TIPRL: variants seen among roughly 807,000 people sequenced by gnomAD.
The protein encoded by TIPRL is TOR signaling pathway regulator, also known as TIP41-like protein.
A neutral mutation model predicts 32.3 loss-of-function variants in TIPRL; 10 were observed. The ratio of observed to expected loss-of-function variants is 0.31; its 90% CI spans 0.19 to 0.52. The LOEUF (loss-of-function observed/expected upper bound fraction) is 0.52, where lower values mean the gene tolerates loss of function less well. Ranked by LOEUF, TIPRL falls within the 20% of genes least tolerant of loss-of-function variation. The pLI, the probability that TIPRL is intolerant of heterozygous loss-of-function variation, is 0.96. For synonymous variants in TIPRL, 100 were observed against 114.0 expected, an observed-to-expected ratio of 0.88 and a Z score of 0.78; for missense variants, 250 against 328.1, an observed-to-expected ratio of 0.76 and a Z score of 1.84.
At chr1:168,185,630 TGTG>T (rs1186157547) in intron 3 of TIPRL, among the ~76,000 whole-genome samples, 1 of 145,706 alleles carries the variant, frequency 6.9e-6, no homozygotes, top group Non-Finnish European at 1.5e-5. Flanking sequence ...ATTAGCTGGG[TGTG>T]GTGGCGCACA....
intron 3 of TIPRL, among the ~76,000 whole-genome samples, chr1:168,190,095 C>T (rs12082252): frequency 0.037 from 5,582 of 152,168 alleles, 343 homozygotes; most frequent in African/African-American, 0.13. Context: ...AGTTGTGTAA[C>T]CTTAGGCAGT....
chr1:168,192,885 A>AAAACAAACAAAC (rs34841229), intron 4 of TIPRL, among the ~76,000 whole-genome samples: 3 of 151,414 alleles, frequency 2.0e-5, no homozygotes, highest in African/African-American at 4.9e-5. Flanking sequence ...ACTCCGTCTC[A>AAAACAAACAAAC]AAACAAACAA....
At chr1:168,199,858 C>T (rs748578052) in intron 6 of TIPRL, 45 bp from the exon 7 acceptor site, 2 of 1,549,570 alleles carry the variant, frequency 1.3e-6, no homozygotes. Context: ...TAAAAAATTT[C>T]AGTACAGTAA....
rs1700200269 is a variant in TIPRL, at chr1:168,200,708, T to G, written c.*662T>G. 6.6e-6 allele frequency: 1 copy of G among 152,156 alleles called. No individual in the cohort carries two copies. The allele number at this position is 152,156 out of a possible 1,614,324, so 9.4% of individuals were successfully genotyped here. ...AACATGAATATGGTTTACCACTGTG[T>G]GTGTGTAGGATGTTAGAATTATCTG... On this transcript the variant is annotated 3_prime_UTR_variant, in exon 7 of 7. Coordinates refer to ENST00000367833, the MANE Select transcript of TIPRL (RefSeq NM_152902.5).
At chr1:168,188,440 A>G (rs1287673545) in intron 3 of TIPRL, among the ~76,000 whole-genome samples, 1 of 152,238 alleles carries the variant, frequency 6.6e-6, no homozygotes, top group Non-Finnish European at 1.5e-5. Flanking sequence ...TAAATCACTC[A>G]TAGACAATAT....
At chr1:168,186,011 G>A (rs1428525975) in intron 3 of TIPRL, among the ~76,000 whole-genome samples, 1 of 140,048 alleles carries the variant, frequency 7.1e-6, no homozygotes, top group African/African-American at 2.7e-5. Flanking sequence ...GGAGGCAGAG[G>A]TTGCAGTGAG....
chr1:168,191,753 TC>T (rs761693638), intron 4 of TIPRL, among the ~76,000 whole-genome samples: 4 of 147,798 alleles, frequency 2.7e-5, no homozygotes, highest in African/African-American at 5.1e-5. Context: ...GCGCCTGTAG[TC>T]CCAGCTACTC....
chr1:168,189,881 T>C (rs1364643564), intron 3 of TIPRL, among the ~76,000 whole-genome samples: 1 of 152,212 alleles, frequency 6.6e-6, no homozygotes, highest in Non-Finnish European at 1.5e-5. Context: ...ATGGAAAAAC[T>C]GACAGATTCA....
rs183233356 is a variant in TIPRL at position 168,202,105 on chromosome 1, A to G, written c.*2059A>G. 22 of 152,326 alleles carry G rather than the reference A, an allele frequency of 1.4e-4. No homozygotes were observed. In the East Asian group the frequency reaches 4.2e-3, roughly 29 times the overall value. The allele number at this position is 152,326 out of a possible 1,614,324, so 9.4% of individuals were successfully genotyped here. A position where few individuals can be genotyped will look rare whatever the true frequency, so the allele number is the denominator to read the frequency against. ...AGAGGAGAATAAACAATAAGGAATT[A>G]CTGATCAAAGTTTTACTATTTCATT... On this transcript the variant is annotated 3_prime_UTR_variant, in exon 7 of 7. Coordinates refer to ENST00000367833, the MANE Select transcript of TIPRL (RefSeq NM_152902.5).
At position 168,184,061 on chromosome 1, in the gene TIPRL, TG is replaced by T; in HGVS notation, c.265del (p.Glu89LysfsTer39). The T allele has an allele frequency of 3.7e-6, 6 of 1,609,558 alleles. No homozygotes were observed. The highest frequency in any genetic ancestry group is 4.3e-6 in the Non-Finnish European group (5 of 1,176,372). ...YQGMLKVACA[E>X]EWQESRTEGE... Reference sequence around the variant, plus strand: ...AAGGAATGCTTAAAGTGGCCTGTGCTGAAGAGTGGCAAGAAAGCAGGTGAGA... The same window carrying T: ...AAGGAATGCTTAAAGTGGCCTGTGCTAAGAGTGGCAAGAAAGCAGGTGAGA... On this transcript the variant is annotated frameshift_variant, in exon 2 of 7. Transcript: ENST00000367833. LOFTEE classifies it high-confidence loss of function.
rs1211904705 is a variant in TIPRL at position 168,200,417 on chromosome 1, T to C, written c.*371T>C. 6.1e-6 allele frequency: 1 copy of C among 164,606 alleles called. No individual in the cohort carries two copies. Among genetic ancestry groups the C allele is most frequent in the Non-Finnish European group, 1.3e-5 (1 of 75,836 alleles). The allele number at this position is 164,606 out of a possible 1,614,324, so 10.2% of individuals were successfully genotyped here. ...TGTAAATCACCAAATCCCAATGCCTTGTGACTTTCATAGGATTCCTGATCA... is the reference window on the plus strand; with the variant it reads ...TGTAAATCACCAAATCCCAATGCCTCGTGACTTTCATAGGATTCCTGATCA... On this transcript the variant is annotated 3_prime_UTR_variant, in exon 7 of 7. Transcript: ENST00000367833.
chr1:168,196,917 A>G (rs10800340), intron 5 of TIPRL, among the ~76,000 whole-genome samples: 64,937 of 152,102 alleles, frequency 0.43, 15,282 homozygotes, highest in African/African-American at 0.61. Flanking sequence ...TACTTAATCC[A>G]TGTTTAAGAA....
In TIPRL at chr1:168,179,070, C is replaced by A; in HGVS notation, c.-8C>A. On this transcript the variant is annotated 5_prime_UTR_variant, in exon 1 of 7. Transcript: ENST00000367833. ...TTCCTTGTGGCCTCTGCGGGTCCTG[C>A]CTCAGCCATGATGATCCACGGCTTC... 1 of 1,613,068 alleles carries A rather than the reference C, an allele frequency of 6.2e-7. No individual in the cohort carries two copies. The highest frequency in any genetic ancestry group is 8.5e-7 in the Non-Finnish European group (1 of 1,179,258).
intron 1 of TIPRL, among the ~76,000 whole-genome samples, chr1:168,181,633 T>G (rs1699964830): frequency 6.6e-6 from 1 of 151,586 alleles, no homozygotes; most frequent in Non-Finnish European, 1.5e-5. Context: ...ATATTATATA[T>G]AAAGCAGTCA....
chr1:168,180,438 A>C (rs1699945911), intron 1 of TIPRL, among the ~76,000 whole-genome samples: 1 of 152,122 alleles, frequency 6.6e-6, no homozygotes, highest in East Asian at 1.9e-4. Context: ...ATTTAGATAT[A>C]TTTATCTTGG....
chr1:168,200,259 C>G lies in TIPRL; in HGVS notation c.*213C>G, dbSNP rs1230227123. ...CATTCATATTCCAGATTTATATTTT[C>G]TGGAGTTAAATTTGGATGATTTCTA... On this transcript the variant is annotated 3_prime_UTR_variant, in exon 7 of 7. Coordinates refer to ENST00000367833, the MANE Select transcript of TIPRL (RefSeq NM_152902.5). 1 of 481,068 alleles carries G rather than the reference C, an allele frequency of 2.1e-6. No homozygotes were observed. Among genetic ancestry groups the G allele is most frequent in the Non-Finnish European group, 3.6e-6 (1 of 277,414 alleles). 29.8% of individuals were successfully genotyped at this position (481,068 alleles called of 1,614,324 possible). A position where few individuals can be genotyped will look rare whatever the true frequency, so the allele number is the denominator to read the frequency against.
At chr1:168,190,156 G>T (rs1049792110) in intron 3 of TIPRL, among the ~76,000 whole-genome samples, 3 of 152,140 alleles carry the variant, frequency 2.0e-5, no homozygotes, top group Non-Finnish European at 4.4e-5. Flanking sequence ...CTTAATGTGT[G>T]ATGCAGGGGA....
At chr1:168,191,223 A>G (rs764986857) in intron 3 of TIPRL, 146 bp from the exon 4 acceptor site, 46 of 548,736 alleles carry the variant, frequency 8.4e-5, no homozygotes, top group Non-Finnish European at 1.2e-4. Context: ...TTTTATATCT[A>G]CTAATGACAC....
intron 1 of TIPRL, among the ~76,000 whole-genome samples, chr1:168,182,238 T>G (rs1699975127): frequency 6.6e-6 from 1 of 152,192 alleles, no homozygotes; most frequent in African/African-American, 2.4e-5. Flanking sequence ...TAATGAATAT[T>G]TAAGGCACCT....
Sources: gnomAD v4.1 joint callset for allele counts (sites outside exome capture counted in the v4.1 genomes callset) on GRCh38, gnomAD v4.1.1 for gene constraint, MANE v1.5 for transcripts, NCBI Gene and HGNC (gene_info 2026-07-23, HGNC 2026-07-21) for gene names.